Variants in ANKRD18A observed in about 807,000 individuals in gnomAD.
The protein encoded by ANKRD18A is ankyrin repeat domain 18A.
In ANKRD18A, 72 loss-of-function variants were observed where a neutral mutation model predicts 110.6. That is an observed-to-expected ratio of 0.65 (90% CI 0.54 to 0.79). The LOEUF is 0.79. Ranked by LOEUF, ANKRD18A falls within the 30% of genes least tolerant of loss-of-function variation. The pLI is 0.00. For missense variants in ANKRD18A, 934 were observed against 1,163.3 expected, an observed-to-expected ratio of 0.80 and a Z score of 2.87; for synonymous variants, 305 against 410.3, an observed-to-expected ratio of 0.74 and a Z score of 3.10.
At chr9:38,571,184 G>A (rs1341200990), downstream of ANKRD18A, 3 of 1,532,312 alleles carry the variant, frequency 2.0e-6, no homozygotes, top group Non-Finnish European at 2.6e-6. Context: ...GGAAGGGCTC[G>A]CCTGTGCTTC....
At chr9:38,585,755 A>G (rs1824351904) in intron 12 of ANKRD18A, among the ~76,000 whole-genome samples, 1 of 152,236 alleles carries the variant, frequency 6.6e-6, no homozygotes, top group African/African-American at 2.4e-5. Flanking sequence ...ACATGGAATC[A>G]ACCCAGATGT....
chr9:38,600,299 C>A (rs1825065885), intron 8 of ANKRD18A, among the ~76,000 whole-genome samples: 1 of 152,084 alleles, frequency 6.6e-6, no homozygotes, highest in Non-Finnish European at 1.5e-5. Context: ...AAATAGTGAA[C>A]CCCTACAGTG....
intron 12 of ANKRD18A, among the ~76,000 whole-genome samples, chr9:38,584,926 C>G (rs898186456): frequency 5.3e-5 from 8 of 152,054 alleles, no homozygotes; most frequent in South Asian, 4.2e-4. Context: ...TAACCTGATT[C>G]TGGTACAGCA....
chr9:38,613,488 C>T (rs1381597323), intron 3 of ANKRD18A, among the ~76,000 whole-genome samples: 2 of 151,966 alleles, frequency 1.3e-5, no homozygotes, highest in African/African-American at 2.4e-5. Flanking sequence ...AAAACTCAGG[C>T]CCTGATATAT....
intron 7 of ANKRD18A, 115 bp from the exon 8 acceptor site, chr9:38,601,319 G>A: frequency 1.9e-6 from 2 of 1,040,764 alleles, no homozygotes; most frequent in Non-Finnish European, 2.7e-6. Flanking sequence ...GAAGCTTAAT[G>A]TTTACTGGAA....
chr9:38,614,993 C>G (rs1372221616), intron 3 of ANKRD18A, among the ~76,000 whole-genome samples: 1 of 152,148 alleles, frequency 6.6e-6, no homozygotes, highest in Non-Finnish European at 1.5e-5. Flanking sequence ...TTCGGTCACT[C>G]TTTTTACCAA....
intron 14 of ANKRD18A, among the ~76,000 whole-genome samples, chr9:38,576,258 A>C (rs1267004702): frequency 6.6e-6 from 1 of 152,204 alleles, no homozygotes; most frequent in Non-Finnish European, 1.5e-5. Context: ...CTCTAAGAAC[A>C]CTTAAGTATT....
Position 38,620,466 on chromosome 9 carries a change from C to T in ANKRD18A, c.-181G>A. The stretch of plus-strand genomic sequence containing the variant: ...CAAACCCGCAATGTAGCTCAGAATC[C>T]GCGATCCAGCCCGGTCCACCACAGC... On this transcript the variant is annotated 5_prime_UTR_variant, in exon 1 of 16. Coordinates refer to ENST00000399703, the MANE Select transcript of ANKRD18A (RefSeq NM_147195.4). 2 of 1,433,164 alleles carry T rather than the reference C, an allele frequency of 1.4e-6. No individual in the cohort carries two copies. The highest frequency in any genetic ancestry group is 1.5e-5 in the South Asian group (1 of 66,616). 88.8% of individuals were successfully genotyped at this position (1,433,164 alleles called of 1,614,324 possible).
Position 38,575,645 on chromosome 9 carries a change from C to T in ANKRD18A, c.2795G>A (p.Arg932Gln), listed in dbSNP as rs186642662. ...AAGAGTGCTGAGAAAATATTTCATC[C>T]GCTGTTTCTCCGTAAAGAGCTTGGT... is the stretch of plus-strand genomic sequence containing the variant. ...ISTKLFTEKQRMKYFLSTLPT... is the reference protein window; with the variant it reads ...ISTKLFTEKQQMKYFLSTLPT... Residue 932 changes from arginine (R) to glutamine (Q), a missense_variant, in exon 15 of 16, where the codon CGG becomes CAG. Coordinates refer to ENST00000399703, the MANE Select transcript of ANKRD18A (RefSeq NM_147195.4). The T allele has an allele frequency of 4.0e-4, 620 of 1,551,696 alleles. No individual in the cohort carries two copies. Among genetic ancestry groups the T allele is most frequent in the Admixed American group, 1.2e-3 (63 of 50,986 alleles).
intron 5 of ANKRD18A, among the ~76,000 whole-genome samples, chr9:38,609,167 T>C (rs1388574805): frequency 1.3e-5 from 2 of 152,086 alleles, no homozygotes; most frequent in East Asian, 1.9e-4. Context: ...GCTGAGCCTA[T>C]GTACATGAAC....
intron 8 of ANKRD18A, among the ~76,000 whole-genome samples, 154 bp downstream of exon 8, chr9:38,600,977 A>C (rs1825096680): frequency 6.6e-6 from 1 of 152,240 alleles, no homozygotes; most frequent in South Asian, 2.1e-4. Context: ...ATTTTATAAC[A>C]GGCTAAAATA....
intron 7 of ANKRD18A, among the ~76,000 whole-genome samples, chr9:38,602,191 G>C (rs958442441): frequency 1.3e-5 from 2 of 150,182 alleles, no homozygotes; most frequent in African/African-American, 4.9e-5. Flanking sequence ...CTAGACTGTA[G>C]CAATCATCTC....
chr9:38,590,649 G>A (rs1208627145), intron 10 of ANKRD18A, among the ~76,000 whole-genome samples: 1 of 152,078 alleles, frequency 6.6e-6, no homozygotes. Flanking sequence ...ATAGAGATAT[G>A]GCATGATGAA....
chr9:38,591,293 A>G (rs1824637435), intron 10 of ANKRD18A, among the ~76,000 whole-genome samples: 1 of 152,122 alleles, frequency 6.6e-6, no homozygotes, highest in Non-Finnish European at 1.5e-5. Context: ...ATGGTTTGAG[A>G]GGCAGTTCTA....
At chr9:38,618,090 C>T (rs1448187466) in intron 1 of ANKRD18A, among the ~76,000 whole-genome samples, 2 of 151,952 alleles carry the variant, frequency 1.3e-5, no homozygotes, top group African/African-American at 4.8e-5. Flanking sequence ...TCTGAAGAAG[C>T]TAAAAGTTCA....
intron 12 of ANKRD18A, 106 bp from the exon 13 acceptor site, chr9:38,578,254 T>C (rs775285796): frequency 2.5e-4 from 277 of 1,108,074 alleles, no homozygotes; most frequent in Non-Finnish European, 3.4e-4. Context: ...TAAAATGTTA[T>C]CTATAATGTA....
intron 11 of ANKRD18A, among the ~76,000 whole-genome samples, chr9:38,587,767 T>G (rs1824448470): frequency 6.6e-6 from 1 of 152,200 alleles, no homozygotes; most frequent in African/African-American, 2.4e-5. Flanking sequence ...CACTTGACAT[T>G]ACATGTCCAA....
Position 38,595,941 on chromosome 9 carries a change from C to G in ANKRD18A, c.1399G>C (p.Asp467His). Reference protein sequence around the residue: ...KMGSNISQLTDKNELLTEQVH... With the variant: ...KMGSNISQLTHKNELLTEQVH... ...TGTTCAGTAAGCAACTCATTCTTATCTGTTAGTTGAGAAATATTAGAACCC... is the reference window on the plus strand; with the variant it reads ...TGTTCAGTAAGCAACTCATTCTTATGTGTTAGTTGAGAAATATTAGAACCC... The change falls in exon 9 of 16, where the codon GAT becomes CAT. Residue 467 changes from aspartate (D) to histidine (H), a missense_variant. Transcript: ENST00000399703. 2 of 1,550,710 alleles carry G rather than the reference C, an allele frequency of 1.3e-6. No individual in the cohort carries two copies. Among genetic ancestry groups the G allele is most frequent in the East Asian group, 4.9e-5 (2 of 40,910 alleles).
At chr9:38,568,135 T>A (rs1823523342), downstream of ANKRD18A, 1 of 152,648 alleles carries the variant, frequency 6.6e-6, no homozygotes, top group African/African-American at 2.4e-5. Flanking sequence ...ATGTGGTTCA[T>A]CCACGAGATT....
Sources: gnomAD v4.1 joint callset for allele counts (sites outside exome capture counted in the v4.1 genomes callset) on GRCh38, gnomAD v4.1.1 for gene constraint, MANE v1.5 for transcripts, NCBI Gene and HGNC (gene_info 2026-07-23, HGNC 2026-07-21) for gene names.